The following PIBF1 variants were observed in gnomAD, a reference collection of about 807,000 sequenced individuals.
PIBF1 encodes the protein progesterone-induced-blocking factor 1.
In PIBF1, 90 loss-of-function variants were observed where a neutral mutation model predicts 112.5. The observed-to-expected ratio is 0.80, with a 90% CI of 0.67 to 0.95. The LOEUF (loss-of-function observed/expected upper bound fraction) is 0.95, where lower values mean the gene tolerates loss of function less well. PIBF1 is among the 40% of genes least tolerant of loss of function. The pLI is 0.00. For synonymous variants in PIBF1, 301 were observed against 288.6 expected, an observed-to-expected ratio of 1.04 and a Z score of -0.44; for missense variants, 915 against 852.3, an observed-to-expected ratio of 1.07 and a Z score of -0.92.
Position 72,893,783 on chromosome 13 carries a change from G to T in PIBF1, c.1323-1G>T. The T allele has an allele frequency of 6.4e-7, 1 of 1,555,480 alleles. No individual in the cohort carries two copies. The highest frequency in any genetic ancestry group is 8.7e-7 in the Non-Finnish European group (1 of 1,150,250). On this transcript the variant is annotated splice_acceptor_variant, in intron 10 of 17. Transcript: ENST00000326291. LOFTEE classifies it high-confidence loss of function. ...TGTCATAACCATTCTGCTTCTTTCA[G>T]GTACAGAGAACTACAACTTAGTACA...
In PIBF1 at chr13:72,908,642, G is replaced by A; in HGVS notation, c.1600G>A (p.Glu534Lys). The change falls in exon 12 of 18, where the codon GAA becomes AAA. Residue 534 changes from glutamate (E) to lysine (K), a missense_variant. Glu to Lys is a moderately conservative substitution (Grantham distance 56). Coordinates refer to ENST00000326291, the MANE Select transcript of PIBF1 (RefSeq NM_006346.4). ...QARLDIYEKL[E>K]KELDEIIMQT... ...AAGGCTAGACATTTATGAGAAACTG[G>A]AAAAAGAGCTTGATGAAATAATAAT... The A allele has an allele frequency of 6.2e-7, 1 of 1,612,892 alleles. No homozygotes were observed. The highest frequency in any genetic ancestry group is 8.5e-7 in the Non-Finnish European group (1 of 1,179,380).
intron 4 of PIBF1, among the ~76,000 whole-genome samples, chr13:72,796,367 G>A (rs897813700): frequency 6.6e-6 from 1 of 152,132 alleles, no homozygotes; most frequent in Non-Finnish European, 1.5e-5. Context: ...GTTGAGAACT[G>A]CTGCTTTTTA....
At chr13:72,869,177 C>A (rs1365523021) in intron 10 of PIBF1, among the ~76,000 whole-genome samples, 1 of 152,060 alleles carries the variant, frequency 6.6e-6, no homozygotes, top group Non-Finnish European at 1.5e-5. Flanking sequence ...GTATGTTTAT[C>A]ACGGCATTAT....
chr13:72,835,860 G>A (rs1190682090), intron 9 of PIBF1, among the ~76,000 whole-genome samples: 2 of 152,140 alleles, frequency 1.3e-5, no homozygotes, highest in Non-Finnish European at 2.9e-5. Flanking sequence ...AGCACTTTGG[G>A]AGGCCGAGGT....
At chr13:72,792,274 C>T (rs1018753295) in intron 2 of PIBF1, among the ~76,000 whole-genome samples, 173 bp from the exon 3 acceptor site, 2 of 152,174 alleles carry the variant, frequency 1.3e-5, no homozygotes, top group Non-Finnish European at 2.9e-5. Flanking sequence ...CTAGCCTGGG[C>T]AACAGCACTT....
At chr13:72,993,003 C>A (rs1170031657) in intron 16 of PIBF1, among the ~76,000 whole-genome samples, 3 of 152,136 alleles carry the variant, frequency 2.0e-5, no homozygotes, top group Non-Finnish European at 2.9e-5. Flanking sequence ...TAATTAATTT[C>A]TTCAGAAAGA....
At chr13:72,928,047 A>ATG (rs1200522188) in intron 13 of PIBF1, among the ~76,000 whole-genome samples, 1 of 139,892 alleles carries the variant, frequency 7.1e-6, no homozygotes, top group Non-Finnish European at 1.5e-5. Context: ...ATATATATAC[A>ATG]TATATATATG....
chr13:72,938,528 A>G (rs558784295), intron 14 of PIBF1, among the ~76,000 whole-genome samples: 23 of 152,286 alleles, frequency 1.5e-4, no homozygotes, highest in Non-Finnish European at 2.1e-4. Flanking sequence ...GCCATCTATC[A>G]GTGCTCAGTT....
chr13:72,805,164 A>T (rs1210251942), intron 5 of PIBF1, among the ~76,000 whole-genome samples: 1 of 151,934 alleles, frequency 6.6e-6, no homozygotes, highest in African/African-American at 2.4e-5. Context: ...GTTTTTTGAG[A>T]TGGAGTCTCG....
rs1371521871 is a variant in PIBF1, at chr13:72,943,685, T to C, written c.1833+12418T>C. 2.0e-5 allele frequency among the ~76,000 whole-genome samples: 3 copies of C among 152,194 alleles called. No homozygotes were observed. In the East Asian group the frequency reaches 5.8e-4, roughly 29 times the overall value. The stretch of plus-strand genomic sequence containing the variant: ...TCCCAAATCTTCACTTGCTGTCTCC[T>C]CCCACCACTTTGTTACCTTCGTACT... On this transcript the variant is annotated intron_variant, in intron 14 of 17. Coordinates refer to ENST00000326291, the MANE Select transcript of PIBF1 (RefSeq NM_006346.4).
At position 72,893,914 on chromosome 13, in the gene PIBF1, C is replaced by T. The variant is rs539010725; in HGVS notation, c.1453C>T (p.Gln485Ter). The T allele has an allele frequency of 1.9e-6, 3 of 1,605,158 alleles. No individual in the cohort carries two copies. The highest frequency in any genetic ancestry group is 2.6e-6 in the Non-Finnish European group (3 of 1,176,140). Residue 485 changes from glutamine to a stop codon, truncating the protein, a stop_gained, in exon 11 of 18, where the codon CAA (glutamine) becomes TAA (stop). Transcript: ENST00000326291. LOFTEE classifies it high-confidence loss of function. ...EETARNLTQC[Q>*]LECEKYQKKL... ...AACAGCAAGAAATCTCACACAGTGT[C>T]AATTGGAATGTGAAAAATATCAGAA...
intron 16 of PIBF1, among the ~76,000 whole-genome samples, chr13:72,977,921 C>T (rs74092080): frequency 0.1 from 15,671 of 151,900 alleles, 2,300 homozygotes; most frequent in African/African-American, 0.33. Flanking sequence ...AGCAGGTGGC[C>T]GTAGAGAGAA....
chr13:72,860,551 A>C (rs918616934), intron 10 of PIBF1, among the ~76,000 whole-genome samples: 1 of 152,110 alleles, frequency 6.6e-6, no homozygotes, highest in East Asian at 1.9e-4. Flanking sequence ...GTCACTTCCT[A>C]TGTTTTAATC....
intron 11 of PIBF1, among the ~76,000 whole-genome samples, chr13:72,907,917 A>T (rs1315275583): frequency 6.6e-6 from 1 of 152,058 alleles, no homozygotes; most frequent in Admixed American, 6.6e-5. Flanking sequence ...TTTTGCTTGT[A>T]TACAAAATGA....
intron 13 of PIBF1, among the ~76,000 whole-genome samples, chr13:72,923,951 C>T (rs900361511): frequency 5.3e-5 from 8 of 151,914 alleles, no homozygotes; most frequent in Non-Finnish European, 1.0e-4. Context: ...GCGACAAGAG[C>T]GAAACTCTAA....
chr13:72,910,282 A>G (rs1224457253), intron 12 of PIBF1, among the ~76,000 whole-genome samples: 1 of 152,170 alleles, frequency 6.6e-6, no homozygotes, highest in Non-Finnish European at 1.5e-5. Context: ...GCTGGCTTTA[A>G]TGACTTTTAT....
At chr13:72,958,082 C>T (rs940291882) in intron 14 of PIBF1, among the ~76,000 whole-genome samples, 2 of 151,458 alleles carry the variant, frequency 1.3e-5, no homozygotes, top group Admixed American at 1.3e-4. Flanking sequence ...GAAATGCCAC[C>T]ACACTTCAGC....
At chr13:72,982,782 A>G (rs1229688845) in intron 16 of PIBF1, among the ~76,000 whole-genome samples, 1 of 152,232 alleles carries the variant, frequency 6.6e-6, no homozygotes, top group African/African-American at 2.4e-5. Context: ...GAAATATTTT[A>G]GCTGAAGAAA....
chr13:72,884,584 A>G (rs1594121227), intron 10 of PIBF1: 3 of 152,316 alleles, frequency 2.0e-5, no homozygotes, highest in Admixed American at 2.0e-4. Context: ...GTTTAATTAA[A>G]TTAATACTGA....
Sources: gnomAD v4.1 joint callset for allele counts (sites outside exome capture counted in the v4.1 genomes callset) on GRCh38, gnomAD v4.1.1 for gene constraint, MANE v1.5 for transcripts, NCBI Gene and HGNC (gene_info 2026-07-23, HGNC 2026-07-21) for gene names.